The following WDR88 variants were observed in gnomAD, a reference collection of about 807,000 sequenced individuals.
The protein encoded by WDR88 is WD repeat-containing protein 88.
WDR88 carries 40 observed loss-of-function variants against 46.8 expected under a neutral mutation model. The ratio of observed to expected loss-of-function variants is 0.86; its 90% confidence interval spans 0.66 to 1.11. The LOEUF is 1.11. Ranked by LOEUF, WDR88 falls within the 50% of genes most tolerant of loss-of-function variation. The pLI, the probability that WDR88 is intolerant of heterozygous loss-of-function variation, is 0.00. For synonymous variants in WDR88, 235 were observed against 240.7 expected (o/e 0.98, Z 0.22); for missense variants, 562 against 602.4 (o/e 0.93, Z 0.70).
At chr19:33,161,875 G>GAATCTCT (rs1191563034) in intron 8 of WDR88, among the ~76,000 whole-genome samples, 2 of 152,194 alleles carry the variant, frequency 1.3e-5, no homozygotes, top group African/African-American at 4.8e-5. Flanking sequence ...TGAGGCATAA[G>GAATCTCT]AATCTCTAGA....
chr19:33,149,039 G>C, intron 5 of WDR88, 129 bp downstream of exon 5: 1 of 1,414,916 alleles, frequency 7.1e-7, no homozygotes, highest in Non-Finnish European at 9.5e-7. Context: ...ATTAAAGCTG[G>C]GACACTAGGC....
intron 2 of WDR88, among the ~76,000 whole-genome samples, chr19:33,140,467 G>T (rs943741030): frequency 2.0e-5 from 3 of 152,140 alleles, no homozygotes. Flanking sequence ...CAGTTTCATA[G>T]ATGTATGCGG....
At chr19:33,166,442 C>T (rs1973956003) in intron 9 of WDR88, among the ~76,000 whole-genome samples, 1 of 150,036 alleles carries the variant, frequency 6.7e-6, no homozygotes, top group African/African-American at 2.5e-5. Context: ...ATTAGCCAAG[C>T]ATAGTGATAT....
chr19:33,174,945 C>G (rs908821528), intron 10 of WDR88: 3 of 985,306 alleles, frequency 3.0e-6, no homozygotes, highest in Non-Finnish European at 3.6e-6. Context: ...TTAGAGATTC[C>G]AGAGAGGGGC....
intron 9 of WDR88, among the ~76,000 whole-genome samples, chr19:33,171,982 A>T (rs780459615): frequency 1.3e-5 from 2 of 152,154 alleles, no homozygotes; most frequent in African/African-American, 2.4e-5. Flanking sequence ...CATATTGGTC[A>T]GGCTGGTCTT....
At chr19:33,139,459 G>T (rs1973344974) in intron 2 of WDR88, among the ~76,000 whole-genome samples, 1 of 152,228 alleles carries the variant, frequency 6.6e-6, no homozygotes, top group Non-Finnish European at 1.5e-5. Flanking sequence ...TGGCTTCAGG[G>T]ACAGGAGTGG....
intron 5 of WDR88, among the ~76,000 whole-genome samples, chr19:33,150,128 A>C (rs1299270610): frequency 6.6e-6 from 1 of 152,136 alleles, no homozygotes; most frequent in Non-Finnish European, 1.5e-5. Flanking sequence ...CTTAAAATTA[A>C]AGTTAAAAAA....
intron 9 of WDR88, among the ~76,000 whole-genome samples, chr19:33,166,951 T>C (rs2145419069): frequency 6.6e-6 from 1 of 152,254 alleles, no homozygotes; most frequent in East Asian, 1.9e-4. Context: ...GGTTATATTA[T>C]ATATTCTTAA....
At chr19:33,159,161 T>C (rs1973818474) in intron 7 of WDR88, among the ~76,000 whole-genome samples, 1 of 150,070 alleles carries the variant, frequency 6.7e-6, no homozygotes, top group Admixed American at 6.7e-5. Flanking sequence ...TGAGACCCCA[T>C]CTCTACCAAA....
chr19:33,172,713 G>C (rs992813656), intron 10 of WDR88, among the ~76,000 whole-genome samples: 1 of 152,096 alleles, frequency 6.6e-6, no homozygotes, highest in African/African-American at 2.4e-5. Flanking sequence ...ATTTTAAAGG[G>C]TGGTCAGGAT....
Position 33,137,870 on chromosome 19 carries a change from G to A in WDR88, c.387+83G>A, listed in dbSNP as rs527686326. 3.7e-5 allele frequency: 43 copies of A among 1,149,350 alleles called. No individual in the cohort carries two copies. In the East Asian group the frequency reaches 9.2e-4, roughly 25 times the overall value. The allele number at this position is 1,149,350 out of a possible 1,614,324, so 71.2% of individuals were successfully genotyped here. A position where few individuals can be genotyped will look rare whatever the true frequency, so the allele number is the denominator to read the frequency against. On this transcript the variant is annotated intron_variant, in intron 2 of 10. Coordinates refer to ENST00000355868, the MANE Select transcript of WDR88 (RefSeq NM_173479.4). The stretch of plus-strand genomic sequence containing the variant: ...CTCCTGTGTCGAGTTCCCCAGCACT[G>A]AACTCACAGGCACTTGTGGGTCCTG...
chr19:33,154,840 GGC>G (rs200870398), intron 6 of WDR88, among the ~76,000 whole-genome samples: 3 of 152,132 alleles, frequency 2.0e-5, no homozygotes, highest in African/African-American at 7.2e-5. Flanking sequence ...TATCCCGGAT[GGC>G]CCTGCGAAGT....
rs74174644 is a variant in WDR88, at chr19:33,142,851, CAAAAAAAAAAAAAAAAAA to C, written c.388-1981_388-1964del. ...TGAAACCCTGTCTCTACTAAAAATA[CAAAAAAAAAAAAAAAAAA>C]AAAAAAAAAAAGGCCGGGGGGCGGG... On this transcript the variant is annotated intron_variant, in intron 2 of 10. Transcript: ENST00000355868. 1.7e-3 allele frequency: 34 copies of C among 19,534 alleles called. 1 individual carries two copies. The highest frequency in any genetic ancestry group is 9.3e-3 in the African/African-American group (31 of 3,328). The allele number at this position is 19,534 out of a possible 1,614,324, so 1.2% of individuals were successfully genotyped here.
At chr19:33,174,758 C>T (rs932720492) in intron 10 of WDR88, 2 of 985,428 alleles carry the variant, frequency 2.0e-6, no homozygotes. Context: ...GACACTCACC[C>T]CCATCCTCCC....
chr19:33,141,587 C>G (rs1342875893), intron 2 of WDR88, among the ~76,000 whole-genome samples: 1 of 152,056 alleles, frequency 6.6e-6, no homozygotes, highest in East Asian at 1.9e-4. Context: ...GGAGATTGGG[C>G]ATAGGATGAA....
intron 3 of WDR88, among the ~76,000 whole-genome samples, chr19:33,146,482 TCCTTCCTTCCTTCCCCTTCCTTCCTC>T (rs1568362614): frequency 6.7e-4 from 58 of 86,552 alleles, no homozygotes; most frequent in African/African-American, 2.4e-3. Context: ...CTTCCTTCCT[TCCTTCCTTCCTTCCCCTTCCTTCCTC>T]CCTTCCTCCC....
At chr19:33,138,945 T>G (rs1973334119) in intron 2 of WDR88, among the ~76,000 whole-genome samples, 1 of 150,676 alleles carries the variant, frequency 6.6e-6, no homozygotes, top group East Asian at 2.0e-4. Flanking sequence ...GCCTCCCAAA[T>G]TGTTGGGATT....
intron 2 of WDR88, 142 bp downstream of exon 2, chr19:33,137,929 A>G: frequency 1.5e-6 from 1 of 671,560 alleles, no homozygotes; most frequent in Admixed American, 3.1e-5. Context: ...TGCCAGAAGG[A>G]GGAGAGGGTG....
chr19:33,146,440 CTTCCTTCCTTCCTTCCTTCCTTCT>C (rs952901023), intron 3 of WDR88, among the ~76,000 whole-genome samples: 1 of 85,440 alleles, frequency 1.2e-5, no homozygotes, highest in African/African-American at 4.9e-5. Flanking sequence ...TATTTCCTTC[CTTCCTTCCTTCCTTCCTTCCTTCT>C]TTCCTTCCTT....
Sources: gnomAD v4.1 joint callset for allele counts (sites outside exome capture counted in the v4.1 genomes callset) on GRCh38, gnomAD v4.1.1 for gene constraint, MANE v1.5 for transcripts, NCBI Gene and HGNC (gene_info 2026-07-23, HGNC 2026-07-21) for gene names.